The following INO80D variants were observed in gnomAD, a reference collection of about 807,000 sequenced individuals.
INO80D encodes the protein INO80 complex subunit D.
In INO80D, 21 loss-of-function variants were observed where a neutral mutation model predicts 87.6. The observed-to-expected ratio is 0.24, with a 90% CI of 0.17 to 0.35. INO80D has a LOEUF of 0.35. Among genes scored for constraint, INO80D ranks in the 10% least tolerant of loss-of-function variants. The pLI is 1.00. For missense variants in INO80D, 982 were observed against 1,280.7 expected (o/e 0.77, Z 3.56); for synonymous variants, 440 against 491.0 (o/e 0.90, Z 1.37).
At chr2:206,023,565 C>T (rs1688523428) in intron 6 of INO80D, among the ~76,000 whole-genome samples, 1 of 151,726 alleles carries the variant, frequency 6.6e-6, no homozygotes, top group African/African-American at 2.4e-5. Flanking sequence ...TGCCTGTAGT[C>T]CCAGCTACTT....
At chr2:206,045,058 C>T (rs139187025) in intron 5 of INO80D, among the ~76,000 whole-genome samples, 20 of 152,184 alleles carry the variant, frequency 1.3e-4, no homozygotes, top group African/African-American at 4.6e-4. Flanking sequence ...AAGTGAGGAA[C>T]AACTGGGTGG....
At chr2:206,026,602 A>G (rs1043528846) in intron 6 of INO80D, among the ~76,000 whole-genome samples, 4 of 150,614 alleles carry the variant, frequency 2.7e-5, no homozygotes, top group African/African-American at 9.7e-5. Flanking sequence ...TAAAAAACAA[A>G]ATTGTGTTAA....
chr2:206,069,463 T>C (rs185772400), intron 1 of INO80D, among the ~76,000 whole-genome samples: 8 of 152,294 alleles, frequency 5.3e-5, no homozygotes, highest in Admixed American at 5.2e-4. Flanking sequence ...AGTTCTAATA[T>C]GGCCAAGTGT....
intron 1 of INO80D, among the ~76,000 whole-genome samples, chr2:206,068,346 C>A (rs1463708447): frequency 3.3e-5 from 5 of 152,166 alleles, no homozygotes; most frequent in Admixed American, 3.3e-4. Context: ...GAGATCCTCC[C>A]GCTTTGGCCT....
chr2:206,048,114 C>CA (rs1689249619), intron 4 of INO80D, among the ~76,000 whole-genome samples: 1 of 152,186 alleles, frequency 6.6e-6, no homozygotes, highest in African/African-American at 2.4e-5. Flanking sequence ...CTTGGCCTCC[C>CA]AAAGTGCTGG....
intron 5 of INO80D, among the ~76,000 whole-genome samples, chr2:206,038,478 T>C (rs777063122): frequency 6.6e-6 from 1 of 152,138 alleles, no homozygotes; most frequent in Admixed American, 6.5e-5. Context: ...TTGGTCCCAA[T>C]AGGAAGTAGA....
At chr2:206,061,102 C>T (rs1391034829) in intron 3 of INO80D, among the ~76,000 whole-genome samples, 1 of 152,078 alleles carries the variant, frequency 6.6e-6, no homozygotes, top group Non-Finnish European at 1.5e-5. Flanking sequence ...CAGCCTCGGC[C>T]TCCTGGGCTA....
At chr2:206,021,064 T>A (rs970562652) in intron 6 of INO80D, among the ~76,000 whole-genome samples, 5 of 151,964 alleles carry the variant, frequency 3.3e-5, no homozygotes, top group Non-Finnish European at 7.4e-5. Flanking sequence ...ACAAAACCTA[T>A]CCCATCTACG....
chr2:206,013,737 T>C (rs1688240976), intron 8 of INO80D, among the ~76,000 whole-genome samples: 1 of 150,074 alleles, frequency 6.7e-6, no homozygotes, highest in African/African-American at 2.5e-5. Context: ...ATTTGAAAGC[T>C]ACAGGGCCCA....
chr2:206,029,177 C>T (rs761568632), intron 5 of INO80D, among the ~76,000 whole-genome samples: 7 of 152,204 alleles, frequency 4.6e-5, no homozygotes, highest in East Asian at 1.9e-4. Flanking sequence ...CATGAGCCAC[C>T]GAGCCCGGCC....
intron 6 of INO80D, among the ~76,000 whole-genome samples, chr2:206,025,106 A>C (rs191743656): frequency 1.2e-4 from 18 of 152,200 alleles, no homozygotes; most frequent in Non-Finnish European, 2.1e-4. Context: ...TATGATCATT[A>C]CATAAAAATG....
chr2:206,061,646 C>G (rs1201214532), intron 3 of INO80D, among the ~76,000 whole-genome samples: 1 of 152,196 alleles, frequency 6.6e-6, no homozygotes, highest in Non-Finnish European at 1.5e-5. Context: ...AGCCTCAATG[C>G]TCATTAGAAA....
Position 206,062,179 on chromosome 2 carries a change from A to G in INO80D, c.218+620T>C, listed in dbSNP as rs558001500. Among the ~76,000 whole-genome samples, 641 of 152,336 alleles carry G rather than the reference A, an allele frequency of 4.2e-3. 2 individuals are homozygous for G. The highest frequency in any genetic ancestry group is 6.8e-3 in the Middle Eastern group (2 of 294). ...ATAGTGTTTCCAAATTATGGCAAAC[A>G]TACTCTATTTGGAACACTTTTTAAC... On this transcript the variant is annotated intron_variant, in intron 3 of 10. Transcript: ENST00000403263. The surrounding 1 kb of genome is among the most constrained non-coding windows in gnomAD (Gnocchi z 4.6).
intron 1 of INO80D, among the ~76,000 whole-genome samples, chr2:206,075,233 C>T (rs1203151242): frequency 2.6e-5 from 4 of 152,126 alleles, no homozygotes; most frequent in African/African-American, 9.7e-5. Context: ...AACCACAAAA[C>T]AATTTGACAA....
intron 5 of INO80D, among the ~76,000 whole-genome samples, chr2:206,039,763 T>C (rs1287662812): frequency 2.1e-5 from 3 of 144,758 alleles, no homozygotes; most frequent in Admixed American, 7.2e-5. Context: ...TGAGCCGAGA[T>C]TGCACCACTA....
chr2:206,047,001 G>C (rs550037230), intron 4 of INO80D, among the ~76,000 whole-genome samples: 176 of 152,158 alleles, frequency 1.2e-3, no homozygotes, highest in African/African-American at 4.1e-3. Flanking sequence ...GGCTGCTCTT[G>C]AACGCCTGAC....
rs1250379383 is a variant in INO80D at position 206,056,873 on chromosome 2, T to C, written c.289A>G (p.Ile97Val). ...TGGTGCCTGACCTTCACCTCATCTA[T>C]AGGATCATTCTTTTTCTTCCTCTCT... is the stretch of plus-strand genomic sequence containing the variant. ...KKERKKKNDPIDEVKVRHQMD... is the reference protein window; with the variant it reads ...KKERKKKNDPVDEVKVRHQMD... The change falls in exon 4 of 11, where the codon ATA (isoleucine) becomes GTA (valine). Residue 97 changes from isoleucine to valine, a missense_variant. By Grantham distance (29) the Ile-to-Val change is conservative. Coordinates refer to ENST00000403263, the MANE Select transcript of INO80D (RefSeq NM_017759.5). 6.2e-7 allele frequency: 1 copy of C among 1,611,130 alleles called. No homozygotes were observed. Among genetic ancestry groups the C allele is most frequent in the Admixed American group, 1.7e-5 (1 of 59,596 alleles).
Position 206,004,080 on chromosome 2 carries a change from A to G in INO80D, c.*288T>C, listed in dbSNP as rs893603951. On this transcript the variant is annotated 3_prime_UTR_variant, in exon 11 of 11. Transcript: ENST00000403263. This position sits in a 1 kb window ranked among gnomAD's most constrained non-coding sequence, Gnocchi z 4.9. ...GTATTCTGAGGTATCTTCCACTTCT[A>G]GGACTTGCTGCTAAAAATCAATCCT... 21 of 464,888 alleles carry G rather than the reference A, an allele frequency of 4.5e-5. No individual in the cohort carries two copies. The highest frequency in any genetic ancestry group is 3.9e-4 in the African/African-American group (20 of 51,710). 28.8% of individuals were successfully genotyped at this position (464,888 alleles called of 1,614,324 possible).
chr2:206,060,131 A>G (rs996563669), intron 3 of INO80D, among the ~76,000 whole-genome samples: 2 of 152,080 alleles, frequency 1.3e-5, no homozygotes, highest in African/African-American at 2.4e-5. Context: ...TTTGAGGCCC[A>G]AAGTTCAAGG....
Sources: gnomAD v4.1 joint callset for allele counts (sites outside exome capture counted in the v4.1 genomes callset) on GRCh38, gnomAD v4.1.1 for gene constraint, Gnocchi (gnomAD v3.1) non-coding constraint, MANE v1.5 for transcripts, NCBI Gene and HGNC (gene_info 2026-07-23, HGNC 2026-07-21) for gene names.